HTR2A: variants seen among roughly 807,000 people sequenced by gnomAD.
HTR2A encodes 5-HT2 receptor.
In HTR2A, 14 loss-of-function variants were observed where a neutral mutation model predicts 31.0. That is an observed-to-expected ratio of 0.45 (90% CI 0.30 to 0.71). HTR2A has a LOEUF of 0.71. HTR2A is among the 30% of genes least tolerant of loss of function. The pLI is 0.09. For missense variants in HTR2A, 442 were observed against 573.3 expected (o/e 0.77, Z 2.34); for synonymous variants, 209 against 225.2 (o/e 0.93, Z 0.64).
chr13:46,890,684 G>A (rs1446904554), intron 3 of HTR2A, among the ~76,000 whole-genome samples: 1 of 152,278 alleles, frequency 6.6e-6, no homozygotes, highest in East Asian at 1.9e-4. Flanking sequence ...GGAAAAGATG[G>A]TTGACCTTCC....
chr13:46,864,939 A>T, intron 3 of HTR2A, among the ~76,000 whole-genome samples: 1 of 25,100 alleles, frequency 4.0e-5, no homozygotes, highest in Non-Finnish European at 9.4e-5. Context: ...TATATTTGTA[A>T]AGAGGTTTTT....
chr13:46,850,739 G>GAGCC (rs1386231400), intron 3 of HTR2A, among the ~76,000 whole-genome samples: 5 of 152,136 alleles, frequency 3.3e-5, no homozygotes, highest in African/African-American at 1.2e-4. Flanking sequence ...TTCTCATTTA[G>GAGCC]AGCCATTTAC....
intron 3 of HTR2A, among the ~76,000 whole-genome samples, chr13:46,873,439 ATTAT>A (rs1485862514): frequency 1.4e-5 from 1 of 71,840 alleles, no homozygotes; most frequent in East Asian, 1.6e-3. Context: ...TATTATTATT[ATTAT>A]TATTATTATT....
At chr13:46,897,755 G>T (rs1328685), upstream of HTR2A, among the ~76,000 whole-genome samples, 1 of 152,100 alleles carries the variant, frequency 6.6e-6, no homozygotes, top group Non-Finnish European at 1.5e-5. Context: ...CATTCTCCCT[G>T]GACAAATTCA....
At chr13:46,885,147 ATGAT>A (rs1950996718) in intron 3 of HTR2A, among the ~76,000 whole-genome samples, 1 of 152,190 alleles carries the variant, frequency 6.6e-6, no homozygotes, top group Non-Finnish European at 1.5e-5. Flanking sequence ...GTATTAGTAA[ATGAT>A]TGAGTAAAAT....
rs935648358 is a variant in HTR2A at position 46,832,153 on chromosome 13, A to T, written c.*2684T>A. 5 of 152,262 alleles carry T rather than the reference A, an allele frequency of 3.3e-5. No individual in the cohort carries two copies. The highest frequency in any genetic ancestry group is 4.8e-5 in the African/African-American group (2 of 41,474). 9.4% of individuals were successfully genotyped at this position (152,262 alleles called of 1,614,324 possible). A position where few individuals can be genotyped will look rare whatever the true frequency, so the allele number is the denominator to read the frequency against. The stretch of plus-strand genomic sequence containing the variant: ...TAAAGTTCTTCCACAAAATTAGATT[A>T]ATTTCCAGTTTATTTAAAGAGCTGA... On this transcript the variant is annotated 3_prime_UTR_variant, in exon 4 of 4. Coordinates refer to ENST00000542664, the MANE Select transcript of HTR2A (RefSeq NM_000621.5).
Position 46,855,684 on chromosome 13 carries a change from A to G in HTR2A, c.614-20045T>C, listed in dbSNP as rs150012838. On this transcript the variant is annotated intron_variant, in intron 3 of 3. Transcript: ENST00000542664. ...CAGCAGGGCAGGTGAGGACCTTGCT[A>G]CAAAAATTTTAGGACCGAGAAAAGT... Among the ~76,000 whole-genome samples, 333 of 152,326 alleles carry G rather than the reference A, an allele frequency of 2.2e-3. 3 individuals are homozygous for G. Among genetic ancestry groups the G allele is most frequent in the African/African-American group, 4.1e-3 (170 of 41,580 alleles).
intron 3 of HTR2A, among the ~76,000 whole-genome samples, chr13:46,840,346 T>G (rs749946839): frequency 2.6e-5 from 4 of 152,056 alleles, no homozygotes; most frequent in Non-Finnish European, 4.4e-5. Context: ...AAGGCAGATG[T>G]ACATAAAAAT....
intron 3 of HTR2A, chr13:46,854,013 A>G (rs1199400031): frequency 6.6e-6 from 1 of 152,128 alleles, no homozygotes; most frequent in Non-Finnish European, 1.5e-5. Flanking sequence ...TCTACTTCCA[A>G]TCCTGAAAGA....
In HTR2A at chr13:46,896,192, G is replaced by C. The variant is rs968300617; in HGVS notation, c.-286C>G. ...AAAAGCAGAATGAACTTTTAGCATA[G>C]AGGTTGCAGGGTTTTTTTTGAGCGC... On this transcript the variant is annotated 5_prime_UTR_variant, in exon 2 of 4. Coordinates refer to ENST00000542664, the MANE Select transcript of HTR2A (RefSeq NM_000621.5). 2 of 1,178,430 alleles carry C rather than the reference G, an allele frequency of 1.7e-6. No homozygotes were observed. The highest frequency in any genetic ancestry group is 4.3e-5 in the East Asian group (1 of 23,338). The allele number at this position is 1,178,430 out of a possible 1,614,324, so 73.0% of individuals were successfully genotyped here.
At chr13:46,897,749 C>G (rs190839679), upstream of HTR2A, among the ~76,000 whole-genome samples, 11 of 152,328 alleles carry the variant, frequency 7.2e-5, no homozygotes, top group African/African-American at 2.6e-4. Flanking sequence ...TCTTCACATT[C>G]TCCCTGGACA....
intron 3 of HTR2A, among the ~76,000 whole-genome samples, chr13:46,848,411 A>C (rs1950659417): frequency 1.3e-5 from 2 of 152,232 alleles, no homozygotes; most frequent in South Asian, 4.1e-4. Flanking sequence ...GCGATTATCT[A>C]AGGAAGCAGC....
At chr13:46,842,317 C>T (rs947593910) in intron 3 of HTR2A, among the ~76,000 whole-genome samples, 9 of 152,136 alleles carry the variant, frequency 5.9e-5, no homozygotes, top group Non-Finnish European at 1.3e-4. Context: ...TGGGCCCCAT[C>T]TTGAAAGTAT....
intron 3 of HTR2A, among the ~76,000 whole-genome samples, chr13:46,850,792 G>A (rs1950678612): frequency 6.6e-6 from 1 of 152,166 alleles, no homozygotes; most frequent in African/African-American, 2.4e-5. Context: ...CATCTTTTAA[G>A]AACTTAATGC....
At position 46,833,643 on chromosome 13, in the gene HTR2A, T is replaced by G. The variant is rs995118037; in HGVS notation, c.*1194A>C. On this transcript the variant is annotated 3_prime_UTR_variant, in exon 4 of 4. Coordinates refer to ENST00000542664, the MANE Select transcript of HTR2A (RefSeq NM_000621.5). ...AGCCTCCCAAAGTGCTAGGATTACA[T>G]GCACGAGCCTCCGTGCCTGGCCGAG... 3 of 152,160 alleles carry G rather than the reference T, an allele frequency of 2.0e-5. No individual in the cohort carries two copies. The highest frequency in any genetic ancestry group is 4.8e-5 in the African/African-American group (2 of 41,434). The allele number at this position is 152,160 out of a possible 1,614,324, so 9.4% of individuals were successfully genotyped here.
chr13:46,888,964 G>A (rs1279424699), intron 3 of HTR2A, among the ~76,000 whole-genome samples: 1 of 152,050 alleles, frequency 6.6e-6, no homozygotes, highest in Non-Finnish European at 1.5e-5. Context: ...AAAGAAACTA[G>A]AATATAGAAC....
chr13:46,896,557 A>G, intron 1 of HTR2A, 117 bp downstream of exon 1: 3 of 802,842 alleles, frequency 3.7e-6, no homozygotes, highest in Non-Finnish European at 5.6e-6. Flanking sequence ...AGTAAAGATT[A>G]GCAGACAACT....
intron 3 of HTR2A, among the ~76,000 whole-genome samples, chr13:46,863,555 C>G (rs975548009): frequency 5.8e-5 from 8 of 137,648 alleles, no homozygotes; most frequent in African/African-American, 2.2e-4. Flanking sequence ...CCCAGGAGTT[C>G]AAGGCTGCCG....
In HTR2A at chr13:46,834,767, A is replaced by AT. The variant is rs58145637; in HGVS notation, c.*69dup. ...CTTGTCTAATTTTTTCCAATCTCAT[A>AT]TTTTTTTTTTTCCAGATAGGTGAAA... On this transcript the variant is annotated 3_prime_UTR_variant, in exon 4 of 4. Transcript: ENST00000542664. 0.28 allele frequency: 278,244 copies of AT among 1,009,868 alleles called. 12,264 individuals are homozygous for AT. Among genetic ancestry groups the AT allele is most frequent in the African/African-American group, 0.46 (28,138 of 60,992 alleles). 62.6% of individuals were successfully genotyped at this position (1,009,868 alleles called of 1,614,324 possible). A position where few individuals can be genotyped will look rare whatever the true frequency, so the allele number is the denominator to read the frequency against.
Sources: allele counts gnomAD v4.1 joint callset (sites outside exome capture counted in the v4.1 genomes callset), GRCh38; gene constraint gnomAD v4.1.1; transcripts MANE v1.5; gene names NCBI Gene and HGNC (gene_info 2026-07-23, HGNC 2026-07-21).